The following MCCC1 variants were observed in gnomAD, a reference collection of about 807,000 sequenced individuals.
The protein encoded by MCCC1 is methylcrotonoyl-CoA carboxylase subunit alpha, mitochondrial.
Under a neutral mutation model 83.8 loss-of-function variants are expected in MCCC1, and 64 were observed. That is an observed-to-expected ratio of 0.76 (90% CI 0.62 to 0.94). The LOEUF (loss-of-function observed/expected upper bound fraction) is 0.94, where lower values mean the gene tolerates loss of function less well. MCCC1 is among the 40% of genes least tolerant of loss of function. The pLI, the probability that MCCC1 is intolerant of heterozygous loss-of-function variation, is 0.00. For synonymous variants in MCCC1, 322 were observed against 315.4 expected, an observed-to-expected ratio of 1.02 and a Z score of -0.22; for missense variants, 807 against 904.7, an observed-to-expected ratio of 0.89 and a Z score of 1.39.
chr3:183,099,938 A>G (rs1021008000), upstream of MCCC1, among the ~76,000 whole-genome samples: 6 of 152,216 alleles, frequency 3.9e-5, no homozygotes, highest in Non-Finnish European at 8.8e-5. Context: ...TAAAACAGGT[A>G]TTCTAACTGA....
At chr3:183,040,028 G>A (rs1048134619) in intron 11 of MCCC1, among the ~76,000 whole-genome samples, 3 of 145,872 alleles carry the variant, frequency 2.1e-5, no homozygotes, top group African/African-American at 7.5e-5. Flanking sequence ...CCTGGGAAGT[G>A]GAGGTTGCAG....
intron 9 of MCCC1, among the ~76,000 whole-genome samples, chr3:183,048,063 C>T (rs1341438202): frequency 6.6e-6 from 1 of 152,126 alleles, no homozygotes; most frequent in East Asian, 1.9e-4. Context: ...AGGAATTTTT[C>T]AGCTGCATTT....
chr3:183,022,774 G>A, intron 15 of MCCC1: 1 of 481,066 alleles, frequency 2.1e-6, no homozygotes, highest in South Asian at 2.7e-5. Flanking sequence ...GGAAAAAAAA[G>A]TTATATAACT....
intron 14 of MCCC1, among the ~76,000 whole-genome samples, chr3:183,026,033 GTTTTAT>G (rs1330229240): frequency 1.3e-5 from 2 of 151,638 alleles, no homozygotes. Context: ...AATTTCAGGG[GTTTTAT>G]TTTTATTTTG....
intron 5 of MCCC1, among the ~76,000 whole-genome samples, chr3:183,071,663 C>T (rs529249588): frequency 6.6e-6 from 1 of 151,522 alleles, no homozygotes; most frequent in Non-Finnish European, 1.5e-5. Flanking sequence ...CCTATGACAA[C>T]AGAAGGGTAG....
rs146145560 is a variant in MCCC1, at chr3:183,093,517, G to C, written c.137-972C>G. ...AAGTGACTCTTGTACCAGTCTACTG[G>C]CATGGCACCATAATGACAAGCTACT... is the stretch of plus-strand genomic sequence containing the variant. On this transcript the variant is annotated intron_variant, in intron 2 of 18. Transcript: ENST00000265594. Among the ~76,000 whole-genome samples the C allele has an allele frequency of 2.1e-3, 324 of 152,232 alleles. 1 individual carries two copies. The highest frequency in any genetic ancestry group is 3.4e-3 in the Middle Eastern group (1 of 294).
intron 7 of MCCC1, among the ~76,000 whole-genome samples, chr3:183,070,733 C>A (rs1195347025): frequency 1.4e-5 from 2 of 143,526 alleles, no homozygotes; most frequent in African/African-American, 2.6e-5. Flanking sequence ...AGACTCCGTC[C>A]AAAAAAAAAA....
chr3:183,052,804 T>C (rs6801522), intron 8 of MCCC1, among the ~76,000 whole-genome samples: 115,907 of 128,404 alleles, frequency 0.9, 52,563 homozygotes, highest in East Asian at 1. Flanking sequence ...AGTGAGACTT[T>C]GTCTCAAAAA....
chr3:183,074,187 C>T (rs1187921639), intron 4 of MCCC1, among the ~76,000 whole-genome samples: 1 of 152,202 alleles, frequency 6.6e-6, no homozygotes, highest in Non-Finnish European at 1.5e-5. Flanking sequence ...GACAACTGTA[C>T]GTGTACTTTC....
intron 9 of MCCC1, among the ~76,000 whole-genome samples, chr3:183,051,464 G>A (rs537774270): frequency 6.6e-6 from 1 of 152,290 alleles, no homozygotes; most frequent in South Asian, 2.1e-4. Flanking sequence ...TTCTTGAAAA[G>A]GCAAAACTAT....
At chr3:183,035,745 TTC>T (rs1457895904) in intron 13 of MCCC1, among the ~76,000 whole-genome samples, 3 of 152,152 alleles carry the variant, frequency 2.0e-5, no homozygotes, top group African/African-American at 7.2e-5. Flanking sequence ...TTTTTAAAAA[TTC>T]TGTTTGCTCC....
At chr3:183,075,021 A>G (rs1716962481) in intron 4 of MCCC1, among the ~76,000 whole-genome samples, 1 of 152,204 alleles carries the variant, frequency 6.6e-6, no homozygotes, top group Non-Finnish European at 1.5e-5. Flanking sequence ...TTCCAGCTCC[A>G]TCCATGTTCC....
intron 14 of MCCC1, among the ~76,000 whole-genome samples, chr3:183,032,892 A>T (rs957312157): frequency 3.1e-4 from 46 of 146,866 alleles, no homozygotes; most frequent in Middle Eastern, 3.5e-3. Context: ...AAAAAAAAAA[A>T]TTTGTTACTG....
At chr3:183,022,137 T>G (rs1040328138) in intron 16 of MCCC1, among the ~76,000 whole-genome samples, 1 of 152,176 alleles carries the variant, frequency 6.6e-6, no homozygotes, top group South Asian at 2.1e-4. Context: ...CAGGGAGATA[T>G]GCTCTGACAA....
chr3:183,101,161 G>A (rs1329498800), upstream of MCCC1, among the ~76,000 whole-genome samples: 5 of 152,254 alleles, frequency 3.3e-5, no homozygotes, highest in Non-Finnish European at 5.9e-5. Flanking sequence ...CCTGCAGCCC[G>A]CCATGCCTGA....
In MCCC1 at chr3:183,064,953, TTC is replaced by T. The variant is rs879262500; in HGVS notation, c.761+6044_761+6045del. ...AATGCTTTTCTCCCTTCCCTTCCCT[TTC>T]TCTCTCTGTGCAAACTGGTTGAATG... On this transcript the variant is annotated intron_variant, in intron 7 of 18. Coordinates refer to ENST00000265594, the MANE Select transcript of MCCC1 (RefSeq NM_020166.5). The surrounding 1 kb of genome is among the most constrained non-coding windows in gnomAD (Gnocchi z 4.5). 2.0e-5 allele frequency among the ~76,000 whole-genome samples: 3 copies of T among 152,208 alleles called. No individual in the cohort carries two copies. The highest frequency in any genetic ancestry group is 4.8e-5 in the African/African-American group (2 of 41,450).
At position 183,045,420 on chromosome 3, in the gene MCCC1, T is replaced by A; in HGVS notation, c.1076A>T (p.Gln359Leu). 1 of 1,614,084 alleles carries A rather than the reference T, an allele frequency of 6.2e-7. No homozygotes were observed. The highest frequency in any genetic ancestry group is 8.5e-7 in the Non-Finnish European group (1 of 1,179,972). ...MITGTDLVEW[Q>L]LRIAAGEKIP... ...TAGAAAAAATATTCTCACTCTAAGC[T>A]GCCACTCCACCAAGTCAGTTCCTGT... The change falls in exon 10 of 19, where the codon CAG (glutamine) becomes CTG (leucine). Residue 359 changes from glutamine (Q) to leucine (L), a missense_variant. Physicochemically the swap from Gln to Leu is moderately radical, Grantham distance 113. Coordinates refer to ENST00000265594, the MANE Select transcript of MCCC1 (RefSeq NM_020166.5).
Position 183,052,158 on chromosome 3 carries a change from C to T in MCCC1, c.955+1G>A, listed in dbSNP as rs1340827377. On this transcript the variant is annotated splice_donor_variant, in intron 9 of 18. Coordinates refer to ENST00000265594, the MANE Select transcript of MCCC1 (RefSeq NM_020166.5). LOFTEE classifies it high-confidence loss of function. ...TCCATTAGAAGCAAATCTTAACCTA[C>T]CTGCTCCAACATAATTTACAGCTTT... 4 of 1,613,794 alleles carry T rather than the reference C, an allele frequency of 2.5e-6. No individual in the cohort carries two copies. Among genetic ancestry groups the T allele is most frequent in the African/African-American group, 1.3e-5 (1 of 75,026 alleles).
intron 2 of MCCC1, 105 bp from the exon 3 acceptor site, chr3:183,092,650 C>A: frequency 1.4e-6 from 2 of 1,470,818 alleles, no homozygotes; most frequent in South Asian, 1.2e-5. Flanking sequence ...CTGATAAGTT[C>A]AAGGTTTTTG....
Sources: allele counts gnomAD v4.1 joint callset (sites outside exome capture counted in the v4.1 genomes callset), GRCh38; gene constraint gnomAD v4.1.1; non-coding constraint Gnocchi (gnomAD v3.1); transcripts MANE v1.5; gene names NCBI Gene and HGNC (gene_info 2026-07-23, HGNC 2026-07-21).